Variants in ASXL3 observed in about 807,000 individuals in gnomAD.
The protein encoded by ASXL3 is ASXL transcriptional regulator 3.
ASXL3 carries 34 observed loss-of-function variants against 170.6 expected under a neutral mutation model. The ratio of observed to expected loss-of-function variants is 0.20; its 90% CI spans 0.15 to 0.27. ASXL3 has a LOEUF of 0.27. Ranked by LOEUF, ASXL3 falls within the 10% of genes least tolerant of loss-of-function variation. The pLI is 1.00. For missense variants in ASXL3, 2,592 were observed against 2,695.3 expected (o/e 0.96, Z 0.85); for synonymous variants, 1,002 against 989.1 (o/e 1.01, Z -0.24).
chr18:33,722,335 A>G (rs1348578108), intron 8 of ASXL3, among the ~76,000 whole-genome samples: 3 of 152,144 alleles, frequency 2.0e-5, no homozygotes, highest in Non-Finnish European at 4.4e-5. Context: ...CCAAATAATT[A>G]GCCGAGTTGT....
chr18:33,668,063 C>A (rs1353229372), intron 5 of ASXL3, among the ~76,000 whole-genome samples: 1 of 152,180 alleles, frequency 6.6e-6, no homozygotes, highest in Non-Finnish European at 1.5e-5. Flanking sequence ...TGACCCAAGT[C>A]ATTTACCCAG....
chr18:33,581,265 T>C (rs2064989612), intron 1 of ASXL3, among the ~76,000 whole-genome samples: 1 of 152,196 alleles, frequency 6.6e-6, no homozygotes, highest in Non-Finnish European at 1.5e-5. Flanking sequence ...ATTTTGCTGT[T>C]GTTGTTAGGG....
Position 33,745,647 on chromosome 18 carries a change from A to G in ASXL3, c.5799A>G (p.Gln1933=). ...AGTSHRQQFY[Q]MPVAARGPIP... ...CCTCACACAGACAGCAGTTTTACCAAATGCCTGTGGCTGCCAGGGGCCCCA... is the reference window on the plus strand; with the variant it reads ...CCTCACACAGACAGCAGTTTTACCAGATGCCTGTGGCTGCCAGGGGCCCCA... Residue 1933 remains glutamine, a synonymous_variant, in exon 12 of 12, where the codon CAA becomes CAG. Coordinates refer to ENST00000269197, the MANE Select transcript of ASXL3 (RefSeq NM_030632.3). 6.2e-7 allele frequency: 1 copy of G among 1,613,968 alleles called. No homozygotes were observed. The highest frequency in any genetic ancestry group is 8.5e-7 in the Non-Finnish European group (1 of 1,179,886).
rs2067794396 is a variant in ASXL3, at chr18:33,746,404, A to C, written c.6556A>C (p.Thr2186Pro). ...GILGSGSNPA[T>P]GLSGQNAQMP... The stretch of plus-strand genomic sequence containing the variant: ...TTTGGGAAGTGGCTCCAATCCTGCC[A>C]CAGGCTTGTCTGGTCAGAACGCTCA... Residue 2186 changes from threonine (T) to proline (P), a missense_variant, in exon 12 of 12, where the codon ACA becomes CCA. Physicochemically the swap from Thr to Pro is conservative, Grantham distance 38. This residue lies in a region of ASXL3 where 2,246 missense variants were observed against 2,219.6 expected (regional missense o/e 1.01). Coordinates refer to ENST00000269197, the MANE Select transcript of ASXL3 (RefSeq NM_030632.3). The C allele has an allele frequency of 2.5e-6, 4 of 1,613,930 alleles. No individual in the cohort carries two copies. Among genetic ancestry groups the C allele is most frequent in the Non-Finnish European group, 3.4e-6 (4 of 1,179,798 alleles).
chr18:33,630,413 T>A (rs1157312885), intron 2 of ASXL3, among the ~76,000 whole-genome samples: 1 of 151,868 alleles, frequency 6.6e-6, no homozygotes, highest in Non-Finnish European at 1.5e-5. Context: ...AGCTTATGTT[T>A]TAAAAAGTAT....
intron 7 of ASXL3, 132 bp downstream of exon 7, chr18:33,671,998 C>A: frequency 1.0e-6 from 1 of 973,784 alleles, no homozygotes; most frequent in Non-Finnish European, 1.5e-6. Flanking sequence ...TTTATCAAAA[C>A]CAAAAAGAAT....
chr18:33,620,157 C>T (rs1354035471), intron 2 of ASXL3, among the ~76,000 whole-genome samples: 1 of 152,100 alleles, frequency 6.6e-6, no homozygotes, highest in Non-Finnish European at 1.5e-5. Flanking sequence ...TGCATAATTG[C>T]CAAGCAGGGC....
chr18:33,719,145 A>T (rs2067216780), intron 8 of ASXL3, among the ~76,000 whole-genome samples: 1 of 152,040 alleles, frequency 6.6e-6, no homozygotes. Context: ...AACAGCAACA[A>T]TCTTGATGCC....
intron 2 of ASXL3, among the ~76,000 whole-genome samples, chr18:33,613,901 G>A (rs1407460673): frequency 1.3e-5 from 2 of 152,024 alleles, no homozygotes; most frequent in East Asian, 1.9e-4. Context: ...CTCCAACTTG[G>A]GTGACTGAGT....
At chr18:33,636,325 A>C (rs1404778913) in intron 2 of ASXL3, among the ~76,000 whole-genome samples, 3 of 105,228 alleles carry the variant, frequency 2.9e-5, no homozygotes, top group Admixed American at 9.1e-5. Flanking sequence ...CAACAACAAC[A>C]ACAACAACAG....
rs781143427 is a variant in ASXL3 at position 33,743,038 on chromosome 18, G to A, written c.3190G>A (p.Ala1064Thr). 1.2e-6 allele frequency: 2 copies of A among 1,613,856 alleles called. No homozygotes were observed. Among genetic ancestry groups the A allele is most frequent in the Non-Finnish European group, 1.7e-6 (2 of 1,179,850 alleles). Residue 1064 changes from alanine to threonine, a missense_variant, in exon 12 of 12, where the codon GCT becomes ACT. Coordinates refer to ENST00000269197, the MANE Select transcript of ASXL3 (RefSeq NM_030632.3). ...AGATATCAAGGCCCGGGCCCAACAA[G>A]CTCGGGCCCAGCGAGAGGCTGCTGC... is the stretch of plus-strand genomic sequence containing the variant. ...LADIKARAQQ[A>T]RAQREAAAAA...
At chr18:33,717,633 A>T (rs1293864318) in intron 8 of ASXL3, among the ~76,000 whole-genome samples, 3 of 152,034 alleles carry the variant, frequency 2.0e-5, no homozygotes, top group Non-Finnish European at 4.4e-5. Context: ...TTCCACTGTG[A>T]CTTGTTGGGT....
At chr18:33,642,709 T>C (rs2065863920) in intron 2 of ASXL3, among the ~76,000 whole-genome samples, 1 of 151,966 alleles carries the variant, frequency 6.6e-6, no homozygotes, top group Non-Finnish European at 1.5e-5. Flanking sequence ...TCATGCTTAA[T>C]AGAGCTTATT....
chr18:33,667,033 A>C (rs1397120639), intron 5 of ASXL3, among the ~76,000 whole-genome samples: 2 of 152,162 alleles, frequency 1.3e-5, no homozygotes, highest in East Asian at 3.8e-4. Flanking sequence ...TAGAGCCTGC[A>C]CTGAGGGGAA....
chr18:33,715,812 G>A (rs781077350), intron 8 of ASXL3, among the ~76,000 whole-genome samples: 5 of 152,144 alleles, frequency 3.3e-5, no homozygotes, highest in African/African-American at 9.7e-5. Flanking sequence ...GTAAAGAGAC[G>A]AGTGGTAGGT....
At chr18:33,725,628 G>A (rs1356288140) in intron 8 of ASXL3, among the ~76,000 whole-genome samples, 2 of 152,094 alleles carry the variant, frequency 1.3e-5, no homozygotes, top group African/African-American at 4.8e-5. Context: ...TTACCATTGA[G>A]CATCTTGCCC....
intron 7 of ASXL3, among the ~76,000 whole-genome samples, chr18:33,675,021 T>C (rs2066403150): frequency 6.6e-6 from 1 of 152,206 alleles, no homozygotes; most frequent in Non-Finnish European, 1.5e-5. Flanking sequence ...CTCTTTGCCA[T>C]TAAGTTGTTA....
At chr18:33,702,791 T>G (rs957858002) in intron 8 of ASXL3, among the ~76,000 whole-genome samples, 6 of 152,144 alleles carry the variant, frequency 3.9e-5, no homozygotes, top group Non-Finnish European at 8.8e-5. Flanking sequence ...CACAGTAAAA[T>G]TACATTTGCC....
In ASXL3 at chr18:33,745,911, G is replaced by GCCCCCCCCCC; in HGVS notation, c.6065_6066insCCCCCCCCCC (p.Pro2026SerfsTer25). 1.9e-6 allele frequency: 3 copies of GCCCCCCCCCC among 1,585,674 alleles called. No homozygotes were observed. The highest frequency in any genetic ancestry group is 2.2e-5 in the South Asian group (2 of 89,118). ...CACTAGTACATCCGCCGCCGCCACC[G>GCCCCCCCCCC]CCTCCCCCTCCCCCTCCACCCTTGG... On this transcript the variant is annotated frameshift_variant, in exon 12 of 12. Transcript: ENST00000269197. LOFTEE classifies it high-confidence loss of function.
Sources: gnomAD v4.1 joint callset for allele counts (sites outside exome capture counted in the v4.1 genomes callset) on GRCh38, gnomAD v4.1.1 for gene constraint, gnomAD v4.1.1 regional missense constraint, MANE v1.5 for transcripts, NCBI Gene and HGNC (gene_info 2026-07-23, HGNC 2026-07-21) for gene names.